Variants in RNF144A observed in about 807,000 individuals in gnomAD.
The protein encoded by RNF144A is ring finger protein 144A.
A neutral mutation model predicts 38.7 loss-of-function variants in RNF144A; 11 were observed. The observed-to-expected ratio is 0.28, with a 90% confidence interval of 0.18 to 0.47. The LOEUF (loss-of-function observed/expected upper bound fraction) is 0.47, where lower values mean the gene tolerates loss of function less well. Ranked by LOEUF, RNF144A falls within the 20% of genes least tolerant of loss-of-function variation. The probability of loss-of-function intolerance (pLI) is 0.99; values close to 1 mark genes in which losing one functional copy is unlikely to be tolerated. For synonymous variants in RNF144A, 149 were observed against 143.9 expected, an observed-to-expected ratio of 1.04 and a Z score of -0.25; for missense variants, 316 against 377.2, an observed-to-expected ratio of 0.84 and a Z score of 1.34.
chr2:6,994,846 G>C (rs1017113707), intron 2 of RNF144A, among the ~76,000 whole-genome samples: 2 of 152,216 alleles, frequency 1.3e-5, no homozygotes, highest in African/African-American at 4.8e-5. Context: ...GACGCTGAAG[G>C]CCTGCGCAGA....
At chr2:7,033,403 G>C (rs1019197531) in intron 8 of RNF144A, among the ~76,000 whole-genome samples, 2 of 152,242 alleles carry the variant, frequency 1.3e-5, no homozygotes, top group African/African-American at 4.8e-5. Context: ...AGCTGCCAAA[G>C]GCCCACTGGT....
intron 1 of RNF144A, among the ~76,000 whole-genome samples, chr2:6,938,764 T>C (rs1469493776): frequency 6.6e-6 from 1 of 152,204 alleles, no homozygotes. Flanking sequence ...TTCTGAAAAC[T>C]GGTGATCCAC....
rs1237072150 is a variant in RNF144A, at chr2:6,917,801, G to T, written c.-212+179G>T. Among the ~76,000 whole-genome samples the T allele has an allele frequency of 6.6e-6, 1 of 150,444 alleles. No homozygotes were observed. The highest frequency in any genetic ancestry group is 2.4e-5 in the African/African-American group (1 of 41,234). On this transcript the variant is annotated intron_variant, in intron 1 of 8. Coordinates refer to ENST00000320892, the MANE Select transcript of RNF144A (RefSeq NM_014746.6). This position sits in a 1 kb window ranked among gnomAD's most constrained non-coding sequence, Gnocchi z 4.8. ...GGCGGGGGGCAGCGTCCCGGGCGGG[G>T]ACTCGCGGGCTCCGTTCAGAGGACG...
chr2:6,924,226 G>C (rs1355869450), intron 1 of RNF144A, among the ~76,000 whole-genome samples: 1 of 152,212 alleles, frequency 6.6e-6, no homozygotes, highest in Non-Finnish European at 1.5e-5. Context: ...AGAATCCTGG[G>C]TACCGTGGTT....
rs1666028639 is a variant in RNF144A, at chr2:6,942,055, G to A, written c.-12+908G>A. On this transcript the variant is annotated intron_variant, in intron 2 of 8. Coordinates refer to ENST00000320892, the MANE Select transcript of RNF144A (RefSeq NM_014746.6). Reference sequence around the variant, plus strand: ...TGGCTTACTCTGGCCTCTACATTGAGAATAAACTGTAGAAGGTGGAGGAAA... The same window carrying A: ...TGGCTTACTCTGGCCTCTACATTGAAAATAAACTGTAGAAGGTGGAGGAAA... 1.3e-5 allele frequency among the ~76,000 whole-genome samples: 2 copies of A among 152,264 alleles called. 1 individual carries two copies. Among genetic ancestry groups the A allele is most frequent in the Admixed American group, 1.3e-4 (2 of 15,292 alleles).
chr2:7,011,553 A>T (rs527914424), intron 3 of RNF144A, among the ~76,000 whole-genome samples: 1 of 152,234 alleles, frequency 6.6e-6, no homozygotes, highest in South Asian at 2.1e-4. Flanking sequence ...ACGCCATATG[A>T]CTTTTGTGCA....
At chr2:7,074,839 G>C in the RNF144A span, 8 of 152,744 alleles carry the variant, frequency 5.2e-5, no homozygotes, top group African/African-American at 1.9e-4. Context: ...AAAGAAGGAG[G>C]GGGGGAAGGA....
intron 2 of RNF144A, among the ~76,000 whole-genome samples, chr2:6,982,234 T>C (rs1668677576): frequency 6.6e-6 from 1 of 152,164 alleles, no homozygotes. Context: ...GAATACAGAA[T>C]AGAGATATTG....
intron 2 of RNF144A, among the ~76,000 whole-genome samples, chr2:6,973,058 A>G (rs571745637): frequency 3.3e-5 from 5 of 152,184 alleles, no homozygotes; most frequent in Non-Finnish European, 5.9e-5. Context: ...TTTCTTATCT[A>G]TGAAATGGGG....
At chr2:6,963,324 A>G (rs1467557691) in intron 2 of RNF144A, among the ~76,000 whole-genome samples, 1 of 152,206 alleles carries the variant, frequency 6.6e-6, no homozygotes, top group Non-Finnish European at 1.5e-5. Context: ...GTTAATATGC[A>G]ACACATTCTG....
At position 7,041,839 on chromosome 2, in the gene RNF144A, G is replaced by A; in HGVS notation, c.*2079G>A. 1.0e-6 allele frequency: 1 copy of A among 985,450 alleles called. No homozygotes were observed. Among genetic ancestry groups the A allele is most frequent in the African/African-American group, 1.7e-5 (1 of 57,352 alleles). 61.0% of individuals were successfully genotyped at this position (985,450 alleles called of 1,614,324 possible). On this transcript the variant is annotated 3_prime_UTR_variant, in exon 9 of 9. Coordinates refer to ENST00000320892, the MANE Select transcript of RNF144A (RefSeq NM_014746.6). ...CCTTAGGATGAGAGTCAGAGCCTTTGGAAAGGCTGCATCCCCAGGGCTAGA... is the reference window on the plus strand; with the variant it reads ...CCTTAGGATGAGAGTCAGAGCCTTTAGAAAGGCTGCATCCCCAGGGCTAGA...
intron 1 of RNF144A, among the ~76,000 whole-genome samples, chr2:6,921,481 A>C (rs1024455271): frequency 6.6e-6 from 1 of 152,214 alleles, no homozygotes; most frequent in African/African-American, 2.4e-5. Flanking sequence ...CCTGCAGCAC[A>C]GGCGTATGTT....
chr2:6,951,246 T>C (rs1666655655), intron 2 of RNF144A, among the ~76,000 whole-genome samples: 4 of 152,066 alleles, frequency 2.6e-5, no homozygotes, highest in African/African-American at 9.6e-5. Context: ...AAATGCACAC[T>C]CTGTTATGTG....
Position 7,043,897 on chromosome 2 carries a change from C to T in RNF144A, c.*4137C>T, listed in dbSNP as rs986796689. 14 of 985,524 alleles carry T rather than the reference C, an allele frequency of 1.4e-5. No individual in the cohort carries two copies. In the African/African-American group the frequency reaches 2.1e-4, roughly 15 times the overall value. The allele number at this position is 985,524 out of a possible 1,614,324, so 61.0% of individuals were successfully genotyped here. ...CATGAATGAGTCATGCACATGTATA[C>T]GTTATGTATTTGACAAGTGGTGGTG... On this transcript the variant is annotated 3_prime_UTR_variant, in exon 9 of 9. Transcript: ENST00000320892.
Position 6,962,360 on chromosome 2 carries a change from C to A in RNF144A, c.-12+21213C>A, listed in dbSNP as rs1234258506. ...TTGGACATGCCCGGCCCCCAGGTCACCCTTTTCTATGGTGCAGCTGCTGGC... is the reference window on the plus strand; with the variant it reads ...TTGGACATGCCCGGCCCCCAGGTCAACCTTTTCTATGGTGCAGCTGCTGGC... On this transcript the variant is annotated intron_variant, in intron 2 of 8. Coordinates refer to ENST00000320892, the MANE Select transcript of RNF144A (RefSeq NM_014746.6). This position sits in a 1 kb window ranked among gnomAD's most constrained non-coding sequence, Gnocchi z 4.1. 6.6e-6 allele frequency among the ~76,000 whole-genome samples: 1 copy of A among 152,184 alleles called. No individual in the cohort carries two copies. Among genetic ancestry groups the A allele is most frequent in the East Asian group, 1.9e-4 (1 of 5,188 alleles).
downstream of RNF144A, among the ~76,000 whole-genome samples, chr2:7,044,721 T>C (rs2103468672): frequency 6.6e-6 from 1 of 152,356 alleles, no homozygotes; most frequent in East Asian, 1.9e-4. Flanking sequence ...TTCACCTCAC[T>C]CCAGCTTGGA....
chr2:7,027,974 T>G (rs2103441668), intron 7 of RNF144A, among the ~76,000 whole-genome samples: 2 of 106,914 alleles, frequency 1.9e-5, no homozygotes, highest in South Asian at 3.4e-4. Context: ...TCTGGTGAGA[T>G]GAGGGTGGGG....
At chr2:7,032,437 A>G (rs1029888686) in intron 8 of RNF144A, among the ~76,000 whole-genome samples, 1 of 152,234 alleles carries the variant, frequency 6.6e-6, no homozygotes, top group African/African-American at 2.4e-5. Context: ...TGGGTGGCTC[A>G]GAACAGCAGA....
At chr2:7,044,210 T>C (rs561112673), downstream of RNF144A, 16 of 983,116 alleles carry the variant, frequency 1.6e-5, no homozygotes, top group Non-Finnish European at 1.8e-5. Flanking sequence ...TGTAGATGCT[T>C]ATCTGACTAC....
Sources: gnomAD v4.1 joint callset for allele counts (sites outside exome capture counted in the v4.1 genomes callset) on GRCh38, gnomAD v4.1.1 for gene constraint, Gnocchi (gnomAD v3.1) non-coding constraint, MANE v1.5 for transcripts, NCBI Gene and HGNC (gene_info 2026-07-23, HGNC 2026-07-21) for gene names.